The following BMAL1 variants were observed in gnomAD, a reference collection of about 807,000 sequenced individuals.
BMAL1 encodes basic helix-loop-helix ARNT like 1.
the BMAL1 span, among the ~76,000 whole-genome samples, chr11:13,313,292 G>C: frequency 6.6e-6 from 1 of 152,176 alleles, no homozygotes; most frequent in African/African-American, 2.4e-5. Context: ...TTAGCTTCTG[G>C]TTTGGCTTGG....
chr11:13,308,335 A>T, the BMAL1 span, among the ~76,000 whole-genome samples: 1 of 152,168 alleles, frequency 6.6e-6, no homozygotes, highest in Non-Finnish European at 1.5e-5. Context: ...CTTGACACAA[A>T]CAGTTGGATG....
chr11:13,285,912 C>T, the BMAL1 span, among the ~76,000 whole-genome samples: 2 of 152,254 alleles, frequency 1.3e-5, no homozygotes, highest in East Asian at 3.9e-4. Context: ...TATAAATGCA[C>T]TCCTAGCATG....
chr11:13,299,176 T>C, the BMAL1 span, among the ~76,000 whole-genome samples: 1 of 152,188 alleles, frequency 6.6e-6, no homozygotes, highest in African/African-American at 2.4e-5. Context: ...AATGAGAGTC[T>C]CCAGTGGTAT....
At chr11:13,382,309 C>T in the BMAL1 span, among the ~76,000 whole-genome samples, 60 of 151,166 alleles carry the variant, frequency 4.0e-4, no homozygotes, top group African/African-American at 1.3e-3. Context: ...GACCTGGGTT[C>T]GAAGCTTGGC....
At chr11:13,372,307 C>T in the BMAL1 span, 3 of 1,614,170 alleles carry the variant, frequency 1.9e-6, no homozygotes, top group Non-Finnish European at 2.5e-6. Context: ...CGACTGCATT[C>T]TCATGTAGTT....
At chr11:13,293,998 T>C in the BMAL1 span, among the ~76,000 whole-genome samples, 1 of 152,210 alleles carries the variant, frequency 6.6e-6, no homozygotes, top group Non-Finnish European at 1.5e-5. Flanking sequence ...ATAGAAAATG[T>C]AACATAAATA....
chr11:13,352,370 G>C, the BMAL1 span, among the ~76,000 whole-genome samples: 1 of 152,198 alleles, frequency 6.6e-6, no homozygotes, highest in African/African-American at 2.4e-5. Flanking sequence ...GTGAACACGG[G>C]GTAGGAGGCC....
the BMAL1 span, among the ~76,000 whole-genome samples, chr11:13,302,632 A>G: frequency 4.6e-5 from 7 of 152,168 alleles, no homozygotes; most frequent in African/African-American, 1.4e-4. Context: ...CCTTGTCCCC[A>G]TGATGCAAGA....
chr11:13,353,777 G>T, the BMAL1 span, among the ~76,000 whole-genome samples: 1 of 152,196 alleles, frequency 6.6e-6, no homozygotes, highest in Non-Finnish European at 1.5e-5. Context: ...AGTGAGCTGA[G>T]ATTGCACCAC....
At chr11:13,301,048 C>A in the BMAL1 span, among the ~76,000 whole-genome samples, 1 of 152,190 alleles carries the variant, frequency 6.6e-6, no homozygotes, top group Non-Finnish European at 1.5e-5. Flanking sequence ...AGCGATTCTC[C>A]TACCTCTGCC....
chr11:13,306,524 G>T, the BMAL1 span, among the ~76,000 whole-genome samples: 1 of 152,234 alleles, frequency 6.6e-6, no homozygotes, highest in Admixed American at 6.5e-5. Flanking sequence ...AGCAGATCTG[G>T]AAGACTGGAC....
the BMAL1 span, among the ~76,000 whole-genome samples, chr11:13,331,358 C>G: frequency 6.6e-6 from 1 of 152,150 alleles, no homozygotes; most frequent in African/African-American, 2.4e-5. Flanking sequence ...ATGAAGTTTT[C>G]TAATGGAAAA....
At chr11:13,289,857 C>G in the BMAL1 span, among the ~76,000 whole-genome samples, 2 of 152,174 alleles carry the variant, frequency 1.3e-5, no homozygotes, top group African/African-American at 4.8e-5. Context: ...ATGCATGTGT[C>G]TTTATAGTAG....
the BMAL1 span, among the ~76,000 whole-genome samples, chr11:13,357,413 A>C: frequency 1.2e-4 from 19 of 152,236 alleles, no homozygotes; most frequent in Non-Finnish European, 2.2e-4. This position sits in a 1 kb window ranked among gnomAD's most constrained non-coding sequence, Gnocchi z 4.8. Flanking sequence ...CGCCCTCCGC[A>C]GGAGACATGG....
the BMAL1 span, among the ~76,000 whole-genome samples, chr11:13,343,286 C>A: frequency 6.6e-6 from 1 of 152,194 alleles, no homozygotes; most frequent in South Asian, 2.1e-4. Context: ...AGTAAAAGCA[C>A]TAATTGGTAT....
the BMAL1 span, among the ~76,000 whole-genome samples, chr11:13,368,386 G>A: frequency 1.3e-5 from 2 of 152,212 alleles, no homozygotes; most frequent in Non-Finnish European, 2.9e-5. Context: ...CAGGTGCAGG[G>A]GTGTGGAGCC....
At chr11:13,293,101 CCTGAG>C in the BMAL1 span, among the ~76,000 whole-genome samples, 1 of 152,030 alleles carries the variant, frequency 6.6e-6, no homozygotes, top group Non-Finnish European at 1.5e-5. Flanking sequence ...TGGGAAGATG[CCTGAG>C]TCAAGGGTGA....
the BMAL1 span, among the ~76,000 whole-genome samples, chr11:13,375,362 C>T: frequency 0.44 from 66,844 of 152,028 alleles, 15,933 homozygotes; most frequent in South Asian, 0.62. Flanking sequence ...AACATGCAGT[C>T]AGTAATTCCC....
chr11:13,277,890 C>G, the BMAL1 span: 1 of 151,452 alleles, frequency 6.6e-6, no homozygotes, highest in African/African-American at 2.4e-5. Flanking sequence ...GATCCGAGTG[C>G]GGGCGCGGGC....
Sources: allele counts gnomAD v4.1 joint callset (sites outside exome capture counted in the v4.1 genomes callset), GRCh38; gene constraint gnomAD v4.1.1; non-coding constraint Gnocchi (gnomAD v3.1); transcripts MANE v1.5; gene names NCBI Gene and HGNC (gene_info 2026-07-23, HGNC 2026-07-21).